Variants in AKT3 observed in about 807,000 individuals in gnomAD.
AKT3 encodes the protein AKT serine/threonine kinase 3.
AKT3 carries 15 observed loss-of-function variants against 65.3 expected under a neutral mutation model. The observed-to-expected ratio is 0.23, with a 90% CI of 0.15 to 0.35. The LOEUF is 0.35. AKT3 is among the 10% of genes least tolerant of loss of function. The pLI is 1.00. For synonymous variants in AKT3, 206 were observed against 183.8 expected, an observed-to-expected ratio of 1.12 and a Z score of -0.98; for missense variants, 243 against 576.5, an observed-to-expected ratio of 0.42 and a Z score of 5.92.
At chr1:243,680,684 A>T (rs763329511) in intron 3 of AKT3, among the ~76,000 whole-genome samples, 2 of 152,184 alleles carry the variant, frequency 1.3e-5, no homozygotes, top group Non-Finnish European at 2.9e-5. Flanking sequence ...ATGTCCCTCA[A>T]GTTCAACTTG....
chr1:243,507,542 GA>G (rs1249714197), intron 13 of AKT3, among the ~76,000 whole-genome samples: 1 of 152,222 alleles, frequency 6.6e-6, no homozygotes, highest in Non-Finnish European at 1.5e-5. Flanking sequence ...GGTGGGAGGG[GA>G]GCTGGAGGAA....
At chr1:243,557,824 T>C (rs1673508684) in intron 10 of AKT3, among the ~76,000 whole-genome samples, 1 of 151,902 alleles carries the variant, frequency 6.6e-6, no homozygotes, top group Non-Finnish European at 1.5e-5. Context: ...TTACCCCAGG[T>C]GGAGAGATAT....
At chr1:243,526,264 G>A (rs143434457) in intron 12 of AKT3, among the ~76,000 whole-genome samples, 6 of 152,262 alleles carry the variant, frequency 3.9e-5, no homozygotes, top group East Asian at 3.9e-4. Context: ...ACTGAAACCC[G>A]TGTTAATTCG....
chr1:243,755,069 T>C (rs1689044916), intron 2 of AKT3, among the ~76,000 whole-genome samples: 1 of 152,066 alleles, frequency 6.6e-6, no homozygotes, highest in African/African-American at 2.4e-5. Flanking sequence ...TCCTTTTTAA[T>C]TATTATTGGT....
rs754473897 is a variant in AKT3 at position 243,563,898 on chromosome 1, T to C, written c.820-50A>G. On this transcript the variant is annotated intron_variant, in intron 9 of 13. Coordinates refer to ENST00000673466, the MANE Select transcript of AKT3 (RefSeq NM_005465.7). The stretch of plus-strand genomic sequence containing the variant: ...ATTTGTTCTATAGTCTTCAACAACA[T>C]GAAAATACCATTTTAAAAAACTACT... 6 of 1,534,164 alleles carry C rather than the reference T, an allele frequency of 3.9e-6. No individual in the cohort carries two copies. The East Asian group carries it at 1.1e-4, about 29-fold the overall frequency.
At chr1:243,646,765 A>G (rs888829763) in intron 4 of AKT3, among the ~76,000 whole-genome samples, 4 of 152,276 alleles carry the variant, frequency 2.6e-5, no homozygotes, top group East Asian at 1.9e-4. Context: ...ATGAGGTCCA[A>G]CAGACATTCC....
intron 2 of AKT3, among the ~76,000 whole-genome samples, chr1:243,731,527 T>C (rs933737328): frequency 6.6e-6 from 1 of 152,182 alleles, no homozygotes; most frequent in Non-Finnish European, 1.5e-5. Context: ...AGTTGCAGAC[T>C]TGGAAGCTAG....
At chr1:243,528,383 A>T (rs1671299416) in intron 12 of AKT3, among the ~76,000 whole-genome samples, 1 of 152,168 alleles carries the variant, frequency 6.6e-6, no homozygotes, top group South Asian at 2.1e-4. Flanking sequence ...AAAACTGCAT[A>T]TCATGGGGGG....
intron 8 of AKT3, among the ~76,000 whole-genome samples, chr1:243,604,479 G>A (rs1483419268): frequency 6.6e-6 from 1 of 152,148 alleles, no homozygotes; most frequent in African/African-American, 2.4e-5. Flanking sequence ...TATATTCGGT[G>A]GGTGGGGGAA....
chr1:243,753,751 G>A (rs889286664), intron 2 of AKT3, among the ~76,000 whole-genome samples: 1 of 152,112 alleles, frequency 6.6e-6, no homozygotes, highest in African/African-American at 2.4e-5. Context: ...CACAACTCTT[G>A]AACAGGTTAG....
intron 8 of AKT3, among the ~76,000 whole-genome samples, chr1:243,576,128 C>T (rs1050517052): frequency 3.3e-5 from 5 of 151,994 alleles, no homozygotes; most frequent in Admixed American, 6.6e-5. Flanking sequence ...GAACTAAACA[C>T]AAAAACCACG....
chr1:243,699,465 C>CTATATATA lies in AKT3; in HGVS notation c.47-3757_47-3750dup, dbSNP rs58911364. 4.0e-3 allele frequency among the ~76,000 whole-genome samples: 414 copies of CTATATATA among 103,470 alleles called. 4 individuals carry two copies. Among genetic ancestry groups the CTATATATA allele is most frequent in the African/African-American group, 7.5e-3 (153 of 20,394 alleles). The allele number at this position is 103,470 out of a possible 152,430, so 67.9% of individuals were successfully genotyped here. On this transcript the variant is annotated intron_variant, in intron 2 of 13. Coordinates refer to ENST00000673466, the MANE Select transcript of AKT3 (RefSeq NM_005465.7). Reference sequence around the variant, plus strand: ...AAGACTTCCAACCCAACCTCTTCCACTATATATATATATATATATATATAT... The same window carrying CTATATATA: ...AAGACTTCCAACCCAACCTCTTCCACTATATATATATATATATATATATATATATATAT...
rs116807893 is a variant in AKT3, at chr1:243,806,067, T to C, written c.46+37058A>G. 8.4e-3 allele frequency among the ~76,000 whole-genome samples: 1,284 copies of C among 152,228 alleles called. 15 individuals carry two copies. Among genetic ancestry groups the C allele is most frequent in the African/African-American group, 0.03 (1,233 of 41,538 alleles). On this transcript the variant is annotated intron_variant, in intron 2 of 13. Coordinates refer to ENST00000673466, the MANE Select transcript of AKT3 (RefSeq NM_005465.7). ...CTATTTTCTATTGCCTAGAACACCC[T>C]TCTTCCCTTCTCACCCAAAAAAATT...
intron 5 of AKT3, among the ~76,000 whole-genome samples, chr1:243,640,961 A>C (rs990778693): frequency 6.6e-5 from 10 of 152,118 alleles, no homozygotes. Flanking sequence ...TATTTGAGTC[A>C]GTGGGCTGGG....
At chr1:243,569,142 C>A (rs978543991) in intron 9 of AKT3, among the ~76,000 whole-genome samples, 2 of 152,176 alleles carry the variant, frequency 1.3e-5, no homozygotes, top group Non-Finnish European at 2.9e-5. Flanking sequence ...TCCTACTCTG[C>A]ACATTGCAAG....
At chr1:243,562,846 A>G (rs997450625) in intron 10 of AKT3, among the ~76,000 whole-genome samples, 27 of 152,112 alleles carry the variant, frequency 1.8e-4, no homozygotes, top group Non-Finnish European at 2.9e-5. Flanking sequence ...TGGAGAATAA[A>G]CTAGCTATCC....
intron 2 of AKT3, among the ~76,000 whole-genome samples, chr1:243,757,203 C>A (rs1337817299): frequency 6.6e-6 from 1 of 152,178 alleles, no homozygotes; most frequent in East Asian, 1.9e-4. Context: ...ATTGATATAT[C>A]ACTATTAATA....
intron 2 of AKT3, among the ~76,000 whole-genome samples, chr1:243,811,870 C>T (rs1417916014): frequency 4.6e-5 from 7 of 152,084 alleles, no homozygotes; most frequent in Admixed American, 1.3e-4. Flanking sequence ...TAATACCACA[C>T]GTCTACAACC....
intron 2 of AKT3, among the ~76,000 whole-genome samples, chr1:243,804,197 T>C (rs1286900036): frequency 6.6e-6 from 1 of 152,204 alleles, no homozygotes; most frequent in African/African-American, 2.4e-5. Context: ...TTTTTAATAG[T>C]ACTGACTAGT....
Sources: allele counts gnomAD v4.1 joint callset (sites outside exome capture counted in the v4.1 genomes callset), GRCh38; gene constraint gnomAD v4.1.1; transcripts MANE v1.5; gene names NCBI Gene and HGNC (gene_info 2026-07-23, HGNC 2026-07-21).